Variants in ATF7IP2 observed in about 807,000 individuals in gnomAD.
The protein encoded by ATF7IP2 is activating transcription factor 7-interacting protein 2.
ATF7IP2 carries 42 observed loss-of-function variants against 64.2 expected under a neutral mutation model. The ratio of observed to expected loss-of-function variants is 0.65; its 90% CI spans 0.51 to 0.85. ATF7IP2 has a LOEUF of 0.85. Among genes scored for constraint, ATF7IP2 ranks in the 40% least tolerant of loss-of-function variants. ATF7IP2 has a pLI of 0.00. For synonymous variants in ATF7IP2, 308 were observed against 272.8 expected, an observed-to-expected ratio of 1.13 and a Z score of -1.27; for missense variants, 933 against 784.2, an observed-to-expected ratio of 1.19 and a Z score of -2.27.
At chr16:10,467,465 A>G (rs949994490) in intron 9 of ATF7IP2, among the ~76,000 whole-genome samples, 2 of 152,228 alleles carry the variant, frequency 1.3e-5, no homozygotes, top group South Asian at 2.1e-4. Flanking sequence ...GCAATGAAAA[A>G]TACAGCTATC....
intron 11 of ATF7IP2, among the ~76,000 whole-genome samples, 176 bp downstream of exon 11, chr16:10,473,710 TCTC>T (rs2049893847): frequency 6.6e-6 from 1 of 152,140 alleles, no homozygotes; most frequent in African/African-American, 2.4e-5. Flanking sequence ...TCATTTACAT[TCTC>T]CTTAGTCATA....
chr16:10,390,743 C>T (rs1204752491), intron 1 of ATF7IP2, among the ~76,000 whole-genome samples: 1 of 152,050 alleles, frequency 6.6e-6, no homozygotes, highest in African/African-American at 2.4e-5. Context: ...GAGCTGTGTT[C>T]ATGCCACTGC....
intron 8 of ATF7IP2, chr16:10,449,363 G>T (rs189560045): frequency 1.4e-4 from 22 of 152,288 alleles, no homozygotes; most frequent in African/African-American, 3.6e-4. Context: ...CTATTCTTTG[G>T]AATGGTTTCA....
intron 9 of ATF7IP2, among the ~76,000 whole-genome samples, chr16:10,465,464 G>A (rs1464013453): frequency 6.6e-6 from 1 of 151,690 alleles, no homozygotes; most frequent in Non-Finnish European, 1.5e-5. Flanking sequence ...AAAAAGAGCT[G>A]GGCCGGGCAC....
intron 6 of ATF7IP2, among the ~76,000 whole-genome samples, chr16:10,435,064 A>C (rs751736421): frequency 6.6e-6 from 1 of 152,162 alleles, no homozygotes; most frequent in Admixed American, 6.6e-5. Context: ...CACCGCGCCC[A>C]GCCAGAAGTA....
chr16:10,463,904 A>C (rs7199713), intron 9 of ATF7IP2, among the ~76,000 whole-genome samples: 118,619 of 151,822 alleles, frequency 0.78, 47,214 homozygotes, highest in African/African-American at 0.94. Context: ...TGGGATATGG[A>C]TTGTGGCACC....
At chr16:10,481,254 C>T (rs74587003) in intron 13 of ATF7IP2, among the ~76,000 whole-genome samples, 3 of 151,998 alleles carry the variant, frequency 2.0e-5, no homozygotes, top group East Asian at 1.9e-4. Flanking sequence ...TTTTTGAGAC[C>T]GAATCTTGCC....
intron 8 of ATF7IP2, chr16:10,454,054 G>A (rs1256523608): frequency 6.8e-6 from 1 of 146,738 alleles, no homozygotes; most frequent in Non-Finnish European, 1.5e-5. Flanking sequence ...AGTTATCTTT[G>A]TAAGGAATTT....
chr16:10,404,010 T>A (rs1375384428), intron 1 of ATF7IP2, among the ~76,000 whole-genome samples: 1 of 152,136 alleles, frequency 6.6e-6, no homozygotes, highest in African/African-American at 2.4e-5. Context: ...TTAGGGAACC[T>A]TTTTCAGGAA....
Position 10,431,135 on chromosome 16 carries a change from G to T in ATF7IP2, c.515G>T (p.Ser172Ile). 1 of 1,614,134 alleles carries T rather than the reference G, an allele frequency of 6.2e-7. No homozygotes were observed. The highest frequency in any genetic ancestry group is 1.1e-5 in the South Asian group (1 of 91,082). ...CTAAAGTCCAGTTGCTGTCCACCCA[G>T]TGTATTGAGTGGTGTTGTTCAGATG... Reference protein sequence around the residue: ...CSLKSSCCPPSVLSGVVQMPE... With the variant: ...CSLKSSCCPPIVLSGVVQMPE... Residue 172 changes from serine to isoleucine, a missense_variant, in exon 5 of 14, where the codon AGT becomes ATT. Transcript: ENST00000562102.
intron 9 of ATF7IP2, among the ~76,000 whole-genome samples, chr16:10,470,290 A>G (rs776011569): frequency 3.3e-5 from 5 of 152,314 alleles, no homozygotes; most frequent in South Asian, 4.1e-4. Context: ...GCCATTTACA[A>G]TGACTTCAGA....
intron 2 of ATF7IP2, among the ~76,000 whole-genome samples, chr16:10,417,346 A>C (rs928868036): frequency 6.6e-6 from 1 of 152,144 alleles, no homozygotes; most frequent in Non-Finnish European, 1.5e-5. Flanking sequence ...TGTGTCTTAC[A>C]TGGTAAGACA....
At chr16:10,453,992 G>C (rs925456822) in intron 8 of ATF7IP2, 2 of 151,048 alleles carry the variant, frequency 1.3e-5, no homozygotes, top group African/African-American at 4.9e-5. Flanking sequence ...TTCTTTCGTA[G>C]GTACAGAGCC....
intron 9 of ATF7IP2, among the ~76,000 whole-genome samples, chr16:10,466,753 G>T (rs1363739324): frequency 6.6e-6 from 1 of 151,948 alleles, no homozygotes; most frequent in African/African-American, 2.4e-5. Flanking sequence ...CCCTAATGGT[G>T]TCTTTATATG....
intron 8 of ATF7IP2, among the ~76,000 whole-genome samples, chr16:10,443,811 A>G (rs1397414834): frequency 6.6e-6 from 1 of 152,168 alleles, no homozygotes; most frequent in South Asian, 2.1e-4. Flanking sequence ...CTTAGGGTCA[A>G]TGGAAGTAGA....
chr16:10,410,210 G>A (rs1337710925), intron 1 of ATF7IP2, among the ~76,000 whole-genome samples: 5 of 152,174 alleles, frequency 3.3e-5, no homozygotes, highest in African/African-American at 4.8e-5. Context: ...GTGAGCACGG[G>A]ATGTGTTTTC....
chr16:10,413,624 G>A (rs1007132600), intron 1 of ATF7IP2, among the ~76,000 whole-genome samples: 8 of 151,974 alleles, frequency 5.3e-5, no homozygotes, highest in African/African-American at 1.9e-4. Flanking sequence ...TTGCTTTATA[G>A]GTCCTATGAG....
chr16:10,473,467 A>C lies in ATF7IP2; in HGVS notation c.1427-12A>C. 3.3e-6 allele frequency: 5 copies of C among 1,524,392 alleles called. No individual in the cohort carries two copies. Among genetic ancestry groups the C allele is most frequent in the Non-Finnish European group, 4.5e-6 (5 of 1,104,470 alleles). The allele number at this position is 1,524,392 out of a possible 1,614,324, so 94.4% of individuals were successfully genotyped here. On this transcript the variant is annotated splice_polypyrimidine_tract_variant and intron_variant, in intron 10 of 13. Transcript: ENST00000562102. ...TGTGTAATAAATTTGTCAAATGTCT[A>C]ATTTCTTTCAGATACCAGAAAAATT...
At chr16:10,476,864 C>T (rs1051785816) in intron 12 of ATF7IP2, among the ~76,000 whole-genome samples, 1 of 152,144 alleles carries the variant, frequency 6.6e-6, no homozygotes, top group Non-Finnish European at 1.5e-5. Context: ...GCATAGTATT[C>T]CATGTGTATA....
Sources: gnomAD v4.1 joint callset for allele counts (sites outside exome capture counted in the v4.1 genomes callset) on GRCh38, gnomAD v4.1.1 for gene constraint, MANE v1.5 for transcripts, NCBI Gene and HGNC (gene_info 2026-07-23, HGNC 2026-07-21) for gene names.